C8orf48: variants seen among roughly 807,000 people sequenced by gnomAD.
C8orf48 encodes chromosome 8 open reading frame 48.
For missense variants in C8orf48, 580 were observed against 363.3 expected, an observed-to-expected ratio of 1.60 and a Z score of -4.85; for synonymous variants, 188 against 138.2, an observed-to-expected ratio of 1.36 and a Z score of -2.53.
chr8:13,567,560 C>T lies in C8orf48; in HGVS notation c.569C>T (p.Ala190Val). 1 of 1,551,740 alleles carries T rather than the reference C, an allele frequency of 6.4e-7. No individual in the cohort carries two copies. The highest frequency in any genetic ancestry group is 8.7e-7 in the Non-Finnish European group (1 of 1,147,028). The stretch of plus-strand genomic sequence containing the variant: ...AGGACAACGCCAAAACAGGAGGCAG[C>T]AGCTAAGCAACACATATCTTATCAG... ...NMRTTPKQEA[A>V]AKQHISYQCP... Residue 190 changes from alanine (A) to valine (V), a missense_variant, in exon 1 of 1, where the codon GCA becomes GTA. Coordinates refer to ENST00000297324, the MANE Select transcript of C8orf48 (RefSeq NM_001007090.3).
At chr8:13,567,621 CCT>C in the C8orf48 span, 1 of 1,551,656 alleles carries the variant, frequency 6.4e-7, no homozygotes, top group South Asian at 1.2e-5. Context: ...CGGAGCTGGC[CCT>C]GTCTGCCTTT....
rs182572686 is a variant in C8orf48 at position 13,568,032 on chromosome 8, C to G, written c.*81C>G. Reference sequence around the variant, plus strand: ...CTTGGGAAACTAACTTAAGACTTTACTATGCTTCCTTCACAGATTTGAGGA... The same window carrying G: ...CTTGGGAAACTAACTTAAGACTTTAGTATGCTTCCTTCACAGATTTGAGGA... On this transcript the variant is annotated 3_prime_UTR_variant, in exon 1 of 1. Transcript: ENST00000297324. 8 of 1,374,748 alleles carry G rather than the reference C, an allele frequency of 5.8e-6. No homozygotes were observed. The Admixed American group carries it at 2.3e-4, about 39-fold the overall frequency. 85.2% of individuals were successfully genotyped at this position (1,374,748 alleles called of 1,614,324 possible). A position where few individuals can be genotyped will look rare whatever the true frequency, so the allele number is the denominator to read the frequency against.
In C8orf48 at chr8:13,567,170, A is replaced by G. The variant is rs1330264220; in HGVS notation, c.179A>G (p.Gln60Arg). ...TSGSKLEREK[Q>R]TPSLEQGDTQ... Reference sequence around the variant, plus strand: ...GGGAGCAAACTGGAGAGGGAAAAGCAGACTCCAAGCTTGGAACAAGGAGAC... The same window carrying G: ...GGGAGCAAACTGGAGAGGGAAAAGCGGACTCCAAGCTTGGAACAAGGAGAC... Residue 60 changes from glutamine to arginine, a missense_variant, in exon 1 of 1, where the codon CAG becomes CGG. By Grantham distance (43) the Gln-to-Arg change is conservative. Coordinates refer to ENST00000297324, the MANE Select transcript of C8orf48 (RefSeq NM_001007090.3). 1.3e-6 allele frequency: 2 copies of G among 1,551,720 alleles called. No individual in the cohort carries two copies. The highest frequency in any genetic ancestry group is 8.7e-7 in the Non-Finnish European group (1 of 1,147,008).
Position 13,567,766 on chromosome 8 carries a change from A to G in C8orf48, c.775A>G (p.Arg259Gly), listed in dbSNP as rs1395300989. The G allele has an allele frequency of 1.3e-6, 2 of 1,552,048 alleles. No homozygotes were observed. Among genetic ancestry groups the G allele is most frequent in the Non-Finnish European group, 1.7e-6 (2 of 1,147,066 alleles). ...QDFPRLSDDP[R>G]IIWKRLTEKS... The stretch of plus-strand genomic sequence containing the variant: ...CTTTCCCAGGCTTTCAGATGACCCC[A>G]GAATAATCTGGAAAAGACTGACTGA... The change falls in exon 1 of 1, where the codon AGA becomes GGA. Residue 259 changes from arginine to glycine, a missense_variant. Arg to Gly is a moderately radical substitution (Grantham distance 125). Transcript: ENST00000297324.
Position 13,568,136 on chromosome 8 carries a change from T to C in C8orf48, c.*185T>C. 1.5e-6 allele frequency: 1 copy of C among 664,076 alleles called. No individual in the cohort carries two copies. Among genetic ancestry groups the C allele is most frequent in the Non-Finnish European group, 2.4e-6 (1 of 411,936 alleles). 41.1% of individuals were successfully genotyped at this position (664,076 alleles called of 1,614,324 possible). A position where few individuals can be genotyped will look rare whatever the true frequency, so the allele number is the denominator to read the frequency against. ...ATAGTTATAAAAACTTTTACAAAATTCCAAGAGAACTATGTTGGTAGTTTG... is the reference window on the plus strand; with the variant it reads ...ATAGTTATAAAAACTTTTACAAAATCCCAAGAGAACTATGTTGGTAGTTTG... On this transcript the variant is annotated 3_prime_UTR_variant, in exon 1 of 1. Coordinates refer to ENST00000297324, the MANE Select transcript of C8orf48 (RefSeq NM_001007090.3).
the C8orf48 span, chr8:13,567,282 CT>C: frequency 6.4e-7 from 1 of 1,551,744 alleles, no homozygotes; most frequent in East Asian, 2.4e-5. Context: ...AAGACTCTAA[CT>C]TTGAACGGCA....
In C8orf48 at chr8:13,567,667, C is replaced by A. The variant is rs796474325; in HGVS notation, c.676C>A (p.Leu226Ile). The A allele has an allele frequency of 1.9e-6, 3 of 1,551,840 alleles. No individual in the cohort carries two copies. Among genetic ancestry groups the A allele is most frequent in the Non-Finnish European group, 2.6e-6 (3 of 1,147,000 alleles). Residue 226 changes from leucine (L) to isoleucine (I), a missense_variant, in exon 1 of 1, where the codon CTA becomes ATA. Leu to Ile is a conservative substitution (Grantham distance 5). Coordinates refer to ENST00000297324, the MANE Select transcript of C8orf48 (RefSeq NM_001007090.3). ...AAAGAAGACTTTACTGGAGTCATTTCTACTCCAAGAGAGAATAGATGAACA... is the reference window on the plus strand; with the variant it reads ...AAAGAAGACTTTACTGGAGTCATTTATACTCCAAGAGAGAATAGATGAACA... ...KQKKTLLESF[L>I]LQERIDEHLH... is the part of the protein sequence containing the mutation.
rs1260876824 is a variant in C8orf48 at position 13,568,099 on chromosome 8, G to A, written c.*148G>A. The A allele has an allele frequency of 2.4e-6, 2 of 839,170 alleles. No individual in the cohort carries two copies. The highest frequency in any genetic ancestry group is 2.2e-5 in the South Asian group (1 of 46,460). The allele number at this position is 839,170 out of a possible 1,614,324, so 52.0% of individuals were successfully genotyped here. ...TTTTTTTCCTATTATAGAAGGCACT[G>A]TTGTAGTTGGAATAGTTATAAAAAC... On this transcript the variant is annotated 3_prime_UTR_variant, in exon 1 of 1. Coordinates refer to ENST00000297324, the MANE Select transcript of C8orf48 (RefSeq NM_001007090.3).
rs1804456218 is a variant in C8orf48, at chr8:13,566,927, G to T, written c.-65G>T. On this transcript the variant is annotated 5_prime_UTR_variant, in exon 1 of 1. An upstream open reading frame in the 5' UTR loses its in-frame stop. Transcript: ENST00000297324. ...TCCATTCCCGGAGGGGTCAGCTCCT[G>T]ACGGGTTCCTGAGCCAGTCTTAACC... 2 of 1,466,508 alleles carry T rather than the reference G, an allele frequency of 1.4e-6. No individual in the cohort carries two copies. The highest frequency in any genetic ancestry group is 5.2e-5 in the Admixed American group (2 of 38,160). The allele number at this position is 1,466,508 out of a possible 1,614,324, so 90.8% of individuals were successfully genotyped here.
rs1363566084 is a variant in C8orf48, at chr8:13,566,914, G to A, written c.-78G>A. 1.4e-6 allele frequency: 2 copies of A among 1,447,510 alleles called. No homozygotes were observed. The highest frequency in any genetic ancestry group is 1.8e-6 in the Non-Finnish European group (2 of 1,096,836). 89.7% of individuals were successfully genotyped at this position (1,447,510 alleles called of 1,614,324 possible). On this transcript the variant is annotated 5_prime_UTR_variant, in exon 1 of 1. Coordinates refer to ENST00000297324, the MANE Select transcript of C8orf48 (RefSeq NM_001007090.3). ...GATGGCATTGAGATCCATTCCCGGA[G>A]GGGTCAGCTCCTGACGGGTTCCTGA... is the stretch of plus-strand genomic sequence containing the variant.
chr8:13,568,259 A>G lies in C8orf48; in HGVS notation c.*308A>G. ...TTTGGCGATCAAATGGCTATGGGGA[A>G]TTAATAAATAGTAGATGTTTGAAAT... On this transcript the variant is annotated 3_prime_UTR_variant, in exon 1 of 1. Coordinates refer to ENST00000297324, the MANE Select transcript of C8orf48 (RefSeq NM_001007090.3). The G allele has an allele frequency of 4.1e-6, 1 of 244,104 alleles. No homozygotes were observed. The highest frequency in any genetic ancestry group is 8.5e-6 in the Non-Finnish European group (1 of 118,040). 15.1% of individuals were successfully genotyped at this position (244,104 alleles called of 1,614,324 possible).
chr8:13,567,105 C>T lies in C8orf48; in HGVS notation c.114C>T (p.Phe38=), dbSNP rs895104102. The change falls in exon 1 of 1, where the codon TTC becomes TTT. Residue 38 remains phenylalanine, a synonymous_variant. Transcript: ENST00000297324. ...STDEVQTSSS[F]SSSGGRQSSP... ...ATGAGGTACAGACTTCCAGCTCATT[C>T]AGCTCCTCTGGAGGACGGCAGTCCT... The T allele has an allele frequency of 2.6e-6, 4 of 1,551,668 alleles. No individual in the cohort carries two copies. The Admixed American group carries it at 5.9e-5, about 23-fold the overall frequency.
At position 13,566,997 on chromosome 8, in the gene C8orf48, C is replaced by A; in HGVS notation, c.6C>A (p.Ala2=). 6.5e-7 allele frequency: 1 copy of A among 1,544,042 alleles called. No individual in the cohort carries two copies. Among genetic ancestry groups the A allele is most frequent in the African/African-American group, 1.4e-5 (1 of 72,866 alleles). Residue 2 remains alanine, a synonymous_variant, in exon 1 of 1, where the codon GCC becomes GCA. Transcript: ENST00000297324. ...GCCGAGCCTGATGCATTGTGATGGC[C>A]ATCTGCCCAGAATTGGCCCAAACGG... M[A]ICPELAQTDK... is the part of the protein sequence containing the mutation.
rs1469940180 is a variant in C8orf48, at chr8:13,567,315, A to G, written c.324A>G (p.Pro108=). The G allele has an allele frequency of 4.5e-6, 7 of 1,551,636 alleles. No individual in the cohort carries two copies. The African/African-American group carries it at 9.6e-5, about 21-fold the overall frequency. ...GGCACCAACCAGACACCAAACTTCCAACAGAAATCACTCGGGTATCAGATG... is the reference window on the plus strand; with the variant it reads ...GGCACCAACCAGACACCAAACTTCCGACAGAAATCACTCGGGTATCAGATG... ...FERHQPDTKL[P]TEITRVSDEE... The change falls in exon 1 of 1, where the codon CCA becomes CCG. Residue 108 remains proline (P), a synonymous_variant. Coordinates refer to ENST00000297324, the MANE Select transcript of C8orf48 (RefSeq NM_001007090.3).
the C8orf48 span, chr8:13,567,331 G>GT: frequency 2.6e-6 from 4 of 1,551,520 alleles, no homozygotes; most frequent in Non-Finnish European, 3.5e-6. Flanking sequence ...AATCACTCGG[G>GT]TATCAGATGA....
At position 13,567,065 on chromosome 8, in the gene C8orf48, T is replaced by G; in HGVS notation, c.74T>G (p.Leu25Trp). 2 of 1,551,740 alleles carry G rather than the reference T, an allele frequency of 1.3e-6. No individual in the cohort carries two copies. The highest frequency in any genetic ancestry group is 1.7e-6 in the Non-Finnish European group (2 of 1,147,000). Reference protein sequence around the residue: ...LANLSDETETLKNSTDEVQTS... With the variant: ...LANLSDETETWKNSTDEVQTS... Reference sequence around the variant, plus strand: ...AACCTTTCTGATGAGACTGAGACTTTGAAGAACTCTACTGATGAGGTACAG... The same window carrying G: ...AACCTTTCTGATGAGACTGAGACTTGGAAGAACTCTACTGATGAGGTACAG... Residue 25 changes from leucine to tryptophan, a missense_variant, in exon 1 of 1, where the codon TTG becomes TGG. Transcript: ENST00000297324.
rs1804486133 is a variant in C8orf48, at chr8:13,567,444, T to C, written c.453T>C (p.His151=). ...CGAGCAGCAGACATAAAAAGCTGCA[T>C]CTTGGATTGGATGTAGAGGCTTCAG... ...KKTSSRHKKL[H]LGLDVEASER... Residue 151 remains histidine, a synonymous_variant, in exon 1 of 1, where the codon CAT becomes CAC. Transcript: ENST00000297324. The C allele has an allele frequency of 6.4e-7, 1 of 1,552,028 alleles. No homozygotes were observed. The highest frequency in any genetic ancestry group is 8.7e-7 in the Non-Finnish European group (1 of 1,147,030).
chr8:13,567,744 T>C lies in C8orf48; in HGVS notation c.753T>C (p.Phe251=), dbSNP rs921128564. ...LTRIGEAHQD[F]PRLSDDPRII... ...GTATTGGAGAAGCACATCAAGACTT[T>C]CCCAGGCTTTCAGATGACCCCAGAA... Residue 251 remains phenylalanine (F), a synonymous_variant, in exon 1 of 1, where the codon TTT becomes TTC. Transcript: ENST00000297324. 6.4e-7 allele frequency: 1 copy of C among 1,552,080 alleles called. No individual in the cohort carries two copies. Among genetic ancestry groups the C allele is most frequent in the Non-Finnish European group, 8.7e-7 (1 of 1,147,088 alleles).
Position 13,567,275 on chromosome 8 carries a change from A to G in C8orf48, c.284A>G (p.Asp95Gly), listed in dbSNP as rs1796110184. 1.3e-6 allele frequency: 2 copies of G among 1,551,624 alleles called. No homozygotes were observed. The highest frequency in any genetic ancestry group is 2.7e-5 in the African/African-American group (2 of 73,126). The change falls in exon 1 of 1, where the codon GAC becomes GGC. Residue 95 changes from aspartate (D) to glycine (G), a missense_variant. Physicochemically the swap from Asp to Gly is moderately conservative, Grantham distance 94. Transcript: ENST00000297324. ...TGGATCAACTACCTCAAGCTCAAAG[A>G]CTCTAACTTTGAACGGCACCAACCA... is the stretch of plus-strand genomic sequence containing the variant. ...KKWINYLKLKDSNFERHQPDT... is the reference protein window; with the variant it reads ...KKWINYLKLKGSNFERHQPDT...
Sources: gnomAD v4.1 joint callset for allele counts on GRCh38, gnomAD v4.1.1 for gene constraint, MANE v1.5 for transcripts, NCBI Gene and HGNC (gene_info 2026-07-23, HGNC 2026-07-21) for gene names.